The following TTC19 variants were observed in gnomAD, a reference collection of about 807,000 sequenced individuals.
The protein encoded by TTC19 is tetratricopeptide repeat protein 19, mitochondrial.
In TTC19, 38 loss-of-function variants were observed where a neutral mutation model predicts 49.5. That is an observed-to-expected ratio of 0.77 (90% CI 0.59 to 1.01). The LOEUF (loss-of-function observed/expected upper bound fraction) is 1.01, where lower values mean the gene tolerates loss of function less well. Among genes scored for constraint, TTC19 ranks in the 50% least tolerant of loss-of-function variants. The pLI, the probability that TTC19 is intolerant of heterozygous loss-of-function variation, is 0.00. For synonymous variants in TTC19, 204 were observed against 185.2 expected (o/e 1.10, Z -0.83); for missense variants, 475 against 477.7 (o/e 0.99, Z 0.05).
At chr17:16,025,193 G>T in intron 8 of TTC19, 22 bp downstream of exon 8, 1 of 1,610,212 alleles carries the variant, frequency 6.2e-7, no homozygotes, top group Non-Finnish European at 8.5e-7. Context: ...AAACACAGAA[G>T]GGGGAATATA....
intron 7 of TTC19, among the ~76,000 whole-genome samples, chr17:16,016,957 G>C (rs1971234350): frequency 6.6e-6 from 1 of 152,140 alleles, no homozygotes; most frequent in South Asian, 2.1e-4. Context: ...GCCTCCCAAA[G>C]TGCTGGGATT....
In TTC19 at chr17:16,028,845, A is replaced by AAAAACTT; in HGVS notation, c.*1324_*1325insAAACTTA. 2.7e-6 allele frequency: 1 copy of AAAAACTT among 376,016 alleles called. No homozygotes were observed. Among genetic ancestry groups the AAAAACTT allele is most frequent in the South Asian group, 1.9e-5 (1 of 51,386 alleles). The allele number at this position is 376,016 out of a possible 1,614,324, so 23.3% of individuals were successfully genotyped here. A position where few individuals can be genotyped will look rare whatever the true frequency, so the allele number is the denominator to read the frequency against. On this transcript the variant is annotated 3_prime_UTR_variant, in exon 10 of 10. Transcript: ENST00000261647. ...AAAAAAAAAAAAAAAAAAAAAAAAA[A>AAAAACTT]ACTTTCTGAAGAAAATAAAAACACC...
intron 9 of TTC19, chr17:16,027,110 G>A (rs984402049): frequency 1.3e-4 from 68 of 534,716 alleles, no homozygotes; most frequent in African/African-American, 1.0e-3. Flanking sequence ...AACCTGGGAT[G>A]ACAGGTGTAT....
intron 7 of TTC19, among the ~76,000 whole-genome samples, chr17:16,014,980 A>G (rs1379758157): frequency 2.0e-5 from 3 of 152,170 alleles, no homozygotes; most frequent in Non-Finnish European, 4.4e-5. Context: ...ATTGCTTAGT[A>G]CCTGTGTAGT....
intron 2 of TTC19, chr17:16,039,162 G>GTA: frequency 2.3e-6 from 1 of 435,732 alleles, no homozygotes; most frequent in East Asian, 4.2e-5. Context: ...AATGCAGTAT[G>GTA]TATAGATGAG....
At chr17:16,044,648 A>G (rs923150186) in exon 3 of TTC19, 2 of 646,714 alleles carry the variant, frequency 3.1e-6, no homozygotes, top group Non-Finnish European at 5.9e-6. Context: ...GCTCGCCTGC[A>G]TCTACTCAGC....
rs1417399085 is a variant in TTC19, at chr17:16,028,877, C to T, written c.*1355C>T. 3.8e-6 allele frequency: 1 copy of T among 264,948 alleles called. No homozygotes were observed. The highest frequency in any genetic ancestry group is 2.7e-5 in the South Asian group (1 of 37,026). The allele number at this position is 264,948 out of a possible 1,614,324, so 16.4% of individuals were successfully genotyped here. On this transcript the variant is annotated 3_prime_UTR_variant, in exon 10 of 10. Transcript: ENST00000261647. The stretch of plus-strand genomic sequence containing the variant: ...TGAAGAAAATAAAAACACCAGAAAC[C>T]TTGAGGTCCAAATCCTCAGGGATTA...
chr17:16,044,756 T>A, exon 3 of TTC19: 1 of 841,304 alleles, frequency 1.2e-6, no homozygotes, highest in East Asian at 2.5e-5. Context: ...TTGGTCCAGC[T>A]TGTTTGCAAT....
chr17:16,044,822 C>T (rs2058389845), exon 3 of TTC19: 2 of 1,082,200 alleles, frequency 1.8e-6, no homozygotes, highest in South Asian at 1.3e-5. Flanking sequence ...GGCTGGTGGA[C>T]CTGCTCCAGC....
Position 16,019,329 on chromosome 17 carries a change from G to A in TTC19, c.677-5688G>A, listed in dbSNP as rs1462685253. ...GCCTGGGTGACAGAGTGAAGACTCC[G>A]TCTCCAAAACAAAAAAACAATATAC... On this transcript the variant is annotated intron_variant, in intron 7 of 9. Transcript: ENST00000261647. Among the ~76,000 whole-genome samples the A allele has an allele frequency of 5.3e-5, 8 of 152,228 alleles. No homozygotes were observed. In the South Asian group the frequency reaches 6.2e-4, roughly 12 times the overall value.
At chr17:16,002,597 A>G in intron 3 of TTC19, 196 bp from the exon 4 acceptor site, 1 of 619,544 alleles carries the variant, frequency 1.6e-6, no homozygotes, top group Non-Finnish European at 2.9e-6. Flanking sequence ...TTTGTTAACA[A>G]CAAAGTATGT....
intron 2 of TTC19, chr17:16,034,628 A>AGTGGAAC: frequency 1.3e-6 from 1 of 796,858 alleles, no homozygotes; most frequent in Non-Finnish European, 2.0e-6. Flanking sequence ...TATTCGGGAA[A>AGTGGAAC]GTGGAACATA....
At chr17:16,038,919 C>T (rs146476336) in intron 2 of TTC19, among the ~76,000 whole-genome samples, 2 of 152,074 alleles carry the variant, frequency 1.3e-5, no homozygotes, top group African/African-American at 4.8e-5. Flanking sequence ...TACAGGCACA[C>T]GCCATCATGC....
chr17:16,032,051 T>A (rs943540371), downstream of TTC19: 3 of 460,798 alleles, frequency 6.5e-6, no homozygotes, highest in African/African-American at 6.1e-5. Flanking sequence ...ACTCTACATC[T>A]CAACCCTCCA....
chr17:16,018,237 T>A (rs1044206807), intron 7 of TTC19, among the ~76,000 whole-genome samples: 1 of 138,034 alleles, frequency 7.2e-6, no homozygotes, highest in African/African-American at 2.5e-5. Flanking sequence ...TGTCTGTTTA[T>A]GAAGCTTGCT....
intron 5 of TTC19, 90 bp from the exon 6 acceptor site, chr17:16,004,111 T>A: frequency 7.6e-7 from 1 of 1,318,358 alleles, no homozygotes; most frequent in Non-Finnish European, 1.1e-6. Flanking sequence ...ACTGTGGCTT[T>A]GAGGCCACCG....
intron 7 of TTC19, among the ~76,000 whole-genome samples, chr17:16,016,320 G>A (rs575081979): frequency 6.6e-6 from 1 of 152,244 alleles, no homozygotes; most frequent in East Asian, 1.9e-4. Context: ...ATTTTCTTCT[G>A]TTGAATCCAG....
At chr17:16,006,688 G>A in intron 7 of TTC19, 120 bp downstream of exon 7, 1 of 706,168 alleles carries the variant, frequency 1.4e-6, no homozygotes, top group Non-Finnish European at 2.5e-6. Flanking sequence ...TGCAAAATAA[G>A]TGTCTGTCTT....
chr17:16,024,956 T>G, intron 7 of TTC19, 61 bp from the exon 8 acceptor site: 1 of 1,511,688 alleles, frequency 6.6e-7, no homozygotes, highest in Non-Finnish European at 9.2e-7. Flanking sequence ...TCTGCTGACA[T>G]ATTTGTGGGT....
Sources: gnomAD v4.1 joint callset for allele counts (sites outside exome capture counted in the v4.1 genomes callset) on GRCh38, gnomAD v4.1.1 for gene constraint, MANE v1.5 for transcripts, NCBI Gene and HGNC (gene_info 2026-07-23, HGNC 2026-07-21) for gene names.